The following OCA2 variants were observed in gnomAD, a reference collection of about 807,000 sequenced individuals.
The protein encoded by OCA2 is P protein.
In OCA2, 77 loss-of-function variants were observed where a neutral mutation model predicts 100.2. That is an observed-to-expected ratio of 0.77 (90% CI 0.64 to 0.93). The LOEUF (loss-of-function observed/expected upper bound fraction) is 0.93, where lower values mean the gene tolerates loss of function less well. Among genes scored for constraint, OCA2 ranks in the 40% least tolerant of loss-of-function variants. The pLI is 0.00. For missense variants in OCA2, 1,062 were observed against 1,089.1 expected (o/e 0.98, Z 0.35); for synonymous variants, 432 against 439.2 (o/e 0.98, Z 0.21).
chr15:27,851,409 C>A lies in OCA2; in HGVS notation c.2311G>T (p.Ala771Ser), dbSNP rs754093708. 3 of 1,614,044 alleles carry A rather than the reference C, an allele frequency of 1.9e-6. No homozygotes were observed. The highest frequency in any genetic ancestry group is 2.5e-6 in the Non-Finnish European group (3 of 1,179,992). Reference protein sequence around the residue: ...VGLPAPPLMYALAFGACLGGN... With the variant: ...VGLPAPPLMYSLAFGACLGGN... ...CCCAGGCAAGCACCGAAGGCCAGGG[C>A]ATACATGAGCGGCGGTGCGGGCAGG... The change falls in exon 22 of 24, where the codon GCC (alanine) becomes TCC (serine). Residue 771 changes from alanine (A) to serine (S), a missense_variant. Ala to Ser is a moderately conservative substitution (Grantham distance 99, BLOSUM62 1). Transcript: ENST00000354638.
intron 18 of OCA2, among the ~76,000 whole-genome samples, chr15:27,942,467 A>G (rs1200980546): frequency 6.6e-6 from 1 of 151,960 alleles, no homozygotes; most frequent in Admixed American, 6.6e-5. Context: ...AGGAACAGAA[A>G]GTAGGATTAG....
At chr15:27,826,135 A>G (rs1168358425) in intron 23 of OCA2, among the ~76,000 whole-genome samples, 3 of 152,212 alleles carry the variant, frequency 2.0e-5, no homozygotes, top group Admixed American at 1.3e-4. Context: ...CAAAATGGTA[A>G]GCAATGGCCT....
the OCA2 span, among the ~76,000 whole-genome samples, chr15:27,749,804 A>C: frequency 6.6e-6 from 1 of 152,210 alleles, no homozygotes; most frequent in African/African-American, 2.4e-5. Context: ...CACGCTGAAA[A>C]TTGTAAGATG....
intron 23 of OCA2, among the ~76,000 whole-genome samples, chr15:27,798,571 T>G (rs1309354168): frequency 6.6e-6 from 1 of 152,180 alleles, no homozygotes; most frequent in African/African-American, 2.4e-5. Context: ...TCCTGCTTCC[T>G]CGCTCTGACC....
At chr15:28,072,813 G>A (rs963234869) in intron 2 of OCA2, among the ~76,000 whole-genome samples, 3 of 152,140 alleles carry the variant, frequency 2.0e-5, no homozygotes, top group Non-Finnish European at 4.4e-5. Flanking sequence ...ATGCTGGTGA[G>A]GCTACAGAGA....
chr15:27,849,099 G>A (rs2035647844), intron 22 of OCA2, among the ~76,000 whole-genome samples: 1 of 151,868 alleles, frequency 6.6e-6, no homozygotes, highest in Admixed American at 6.6e-5. Context: ...ACAGCCACGT[G>A]CTGCCTGGAT....
At chr15:27,953,780 T>A (rs890683492) in intron 17 of OCA2, among the ~76,000 whole-genome samples, 1 of 151,868 alleles carries the variant, frequency 6.6e-6, no homozygotes, top group Non-Finnish European at 1.5e-5. Context: ...TTTCAATAGG[T>A]TTCAGGAAGA....
chr15:28,081,104 G>T (rs541255721), intron 2 of OCA2, among the ~76,000 whole-genome samples: 20 of 152,236 alleles, frequency 1.3e-4, no homozygotes, highest in African/African-American at 4.8e-4. Flanking sequence ...GGGGCGGGAG[G>T]AGGGATGGTG....
At chr15:28,088,723 G>A (rs764003755) in intron 1 of OCA2, among the ~76,000 whole-genome samples, 10 of 152,140 alleles carry the variant, frequency 6.6e-5, no homozygotes, top group Non-Finnish European at 1.3e-4. Flanking sequence ...ACATGAATAG[G>A]GTGTGGGTCA....
chr15:27,853,711 T>C (rs1244778102), intron 21 of OCA2, among the ~76,000 whole-genome samples: 3 of 151,832 alleles, frequency 2.0e-5, no homozygotes, highest in East Asian at 1.9e-4. Flanking sequence ...AGCTATGTTG[T>C]CCCCACCAGA....
chr15:27,902,867 G>A (rs1567083658), intron 19 of OCA2, among the ~76,000 whole-genome samples: 1 of 152,214 alleles, frequency 6.6e-6, no homozygotes, highest in Admixed American at 6.5e-5. Flanking sequence ...GGCACAGTGC[G>A]TTCCTCCAAA....
chr15:28,088,558 C>T (rs954670178), intron 1 of OCA2, among the ~76,000 whole-genome samples: 10 of 152,152 alleles, frequency 6.6e-5, no homozygotes, highest in Non-Finnish European at 7.4e-5. Flanking sequence ...CCCTAAGTGT[C>T]GGCTGGTCTG....
At chr15:28,070,489 T>G (rs1358814754) in intron 2 of OCA2, among the ~76,000 whole-genome samples, 4 of 100,604 alleles carry the variant, frequency 4.0e-5, no homozygotes, top group Non-Finnish European at 5.4e-5. Flanking sequence ...GGGAGGGAGG[T>G]GGGGGGGTCA....
chr15:27,810,627 G>A (rs2034038334), intron 23 of OCA2, among the ~76,000 whole-genome samples: 1 of 152,042 alleles, frequency 6.6e-6, no homozygotes, highest in Non-Finnish European at 1.5e-5. Context: ...CTATGCATCC[G>A]ACAAAGGACT....
At chr15:27,955,271 C>G in intron 16 of OCA2, 56 bp from the exon 17 acceptor site, 1 of 1,279,816 alleles carries the variant, frequency 7.8e-7, no homozygotes, top group Non-Finnish European at 1.1e-6. Context: ...GTGGTGAGAT[C>G]GCGGAGCAGC....
intron 23 of OCA2, among the ~76,000 whole-genome samples, chr15:27,776,205 T>G (rs1488040928): frequency 6.6e-6 from 1 of 152,254 alleles, no homozygotes; most frequent in Admixed American, 6.5e-5. Flanking sequence ...CGGCCCATGG[T>G]GCTGTGTGCA....
At position 28,085,718 on chromosome 15, in the gene OCA2, A is replaced by G. The variant is rs138240175; in HGVS notation, c.-21-3823T>C. Among the ~76,000 whole-genome samples, 310 of 151,460 alleles carry G rather than the reference A, an allele frequency of 2.0e-3. 4 individuals are homozygous for G. Among genetic ancestry groups the G allele is most frequent in the Middle Eastern group, 0.014 (4 of 292 alleles). The stretch of plus-strand genomic sequence containing the variant: ...AAACCTCACAAGCTGGCATGCAAAC[A>G]TACTGTCCTATCTGCCAACACTAAA... On this transcript the variant is annotated intron_variant, in intron 1 of 23. Coordinates refer to ENST00000354638, the MANE Select transcript of OCA2 (RefSeq NM_000275.3).
chr15:28,076,012 A>T (rs545581827), intron 2 of OCA2, among the ~76,000 whole-genome samples: 1 of 152,328 alleles, frequency 6.6e-6, no homozygotes, highest in South Asian at 2.1e-4. Context: ...GTGAAATTAT[A>T]CCTCAATTAA....
chr15:27,766,347 C>A (rs1459597258), intron 23 of OCA2, among the ~76,000 whole-genome samples: 3 of 151,928 alleles, frequency 2.0e-5, no homozygotes, highest in Admixed American at 2.0e-4. Context: ...CTGAGAAGGA[C>A]CCTATGGTCA....
Sources: gnomAD v4.1 joint callset for allele counts (sites outside exome capture counted in the v4.1 genomes callset) on GRCh38, gnomAD v4.1.1 for gene constraint, MANE v1.5 for transcripts, NCBI Gene and HGNC (gene_info 2026-07-23, HGNC 2026-07-21) for gene names.